The following CSMD1 variants were observed in gnomAD, a reference collection of about 807,000 sequenced individuals.
CSMD1 encodes the protein CUB and sushi domain-containing protein 1.
Under a neutral mutation model 417.5 loss-of-function variants are expected in CSMD1, and 213 were observed. The ratio of observed to expected loss-of-function variants is 0.51; its 90% CI spans 0.46 to 0.57. The LOEUF (loss-of-function observed/expected upper bound fraction) is 0.57. Ranked by LOEUF, CSMD1 falls within the 20% of genes least tolerant of loss-of-function variation. CSMD1 has a pLI of 0.00. For missense variants in CSMD1, 6,923 were observed against 4,529.7 expected (o/e 1.53, Z -15.17); for synonymous variants, 2,862 against 1,736.8 (o/e 1.65, Z -16.11).
chr8:3,547,966 CT>C (rs1798746286), intron 10 of CSMD1, among the ~76,000 whole-genome samples: 1 of 152,036 alleles, frequency 6.6e-6, no homozygotes, highest in South Asian at 2.1e-4. Flanking sequence ...CAACTTCAAC[CT>C]ATTTGGATAT....
chr8:4,454,114 G>T lies in CSMD1; in HGVS notation c.303-34049C>A, dbSNP rs182664585. 2.6e-3 allele frequency among the ~76,000 whole-genome samples: 398 copies of T among 152,178 alleles called. 1 individual carries two copies. Among genetic ancestry groups the T allele is most frequent in the Non-Finnish European group, 2.8e-3 (190 of 68,008 alleles). On this transcript the variant is annotated intron_variant, in intron 2 of 69. Coordinates refer to ENST00000635120, the MANE Select transcript of CSMD1 (RefSeq NM_033225.6). ...TGGGATTACAGGCGTGAGCCACTGTGCCCAGCCTGCAATTCATTCTTGATT... is the reference window on the plus strand; with the variant it reads ...TGGGATTACAGGCGTGAGCCACTGTTCCCAGCCTGCAATTCATTCTTGATT...
chr8:3,968,244 T>C (rs1298541522), intron 5 of CSMD1, among the ~76,000 whole-genome samples: 5 of 151,988 alleles, frequency 3.3e-5, no homozygotes, highest in African/African-American at 9.7e-5. Flanking sequence ...ATCATATTTC[T>C]CAATGTACTT....
intron 37 of CSMD1, among the ~76,000 whole-genome samples, chr8:3,177,653 T>C (rs908501915): frequency 4.6e-5 from 7 of 151,862 alleles, no homozygotes; most frequent in African/African-American, 1.7e-4. Flanking sequence ...GAAGAAATAA[T>C]AAAAAAACAG....
chr8:3,387,818 C>T, intron 17 of CSMD1, 136 bp from the exon 18 acceptor site: 3 of 706,572 alleles, frequency 4.2e-6, no homozygotes, highest in Non-Finnish European at 6.9e-6. Flanking sequence ...CCCAACAATC[C>T]ATGGACATAA....
chr8:4,110,938 G>T (rs950648971), intron 3 of CSMD1, among the ~76,000 whole-genome samples: 16 of 152,070 alleles, frequency 1.1e-4, no homozygotes, highest in Admixed American at 7.9e-4. Context: ...GTACTCAGCT[G>T]ATCAATTAAT....
chr8:3,029,473 A>G lies in CSMD1; in HGVS notation c.7701T>C (p.His2567=), dbSNP rs1316219710. Reference sequence around the variant, plus strand: ...ATCCTGAAACCAGCCTCCAGATGACATGTTCTGAGAGCTGAGCTTCAATGC... The same window carrying G: ...ATCCTGAAACCAGCCTCCAGATGACGTGTTCTGAGAGCTGAGCTTCAATGC... The part of the protein sequence containing the change: ...CPSIEAQLSE[H]VIWRLVSGSL... The change falls in exon 51 of 70, where the codon CAT becomes CAC. Residue 2567 remains histidine (H), a synonymous_variant. Transcript: ENST00000635120. 2 of 1,605,856 alleles carry G rather than the reference A, an allele frequency of 1.2e-6. No homozygotes were observed. The highest frequency in any genetic ancestry group is 4.5e-5 in the East Asian group (2 of 44,672).
At chr8:4,918,593 A>C (rs1806226450) in intron 1 of CSMD1, among the ~76,000 whole-genome samples, 1 of 152,218 alleles carries the variant, frequency 6.6e-6, no homozygotes, top group Non-Finnish European at 1.5e-5. Context: ...TTAAAAAGAC[A>C]CAAAGCTGAA....
intron 3 of CSMD1, among the ~76,000 whole-genome samples, chr8:4,172,318 G>C (rs899757344): frequency 1.3e-5 from 2 of 152,052 alleles, no homozygotes; most frequent in African/African-American, 2.4e-5. Context: ...TGTGGCTACC[G>C]AGATATGACT....
intron 7 of CSMD1, among the ~76,000 whole-genome samples, chr8:3,652,356 C>T (rs538248591): frequency 6.6e-6 from 1 of 151,600 alleles, no homozygotes; most frequent in East Asian, 1.9e-4. Context: ...CCACCATCAG[C>T]ATGCTTACCA....
intron 10 of CSMD1, among the ~76,000 whole-genome samples, chr8:3,541,457 T>C (rs890624879): frequency 2.0e-5 from 3 of 151,884 alleles, no homozygotes; most frequent in Admixed American, 6.6e-5. Context: ...TTGATAGGTG[T>C]AACAAACCAC....
chr8:4,364,450 A>G (rs539646083), intron 3 of CSMD1, among the ~76,000 whole-genome samples: 1 of 152,182 alleles, frequency 6.6e-6, no homozygotes, highest in Non-Finnish European at 1.5e-5. Context: ...TGTTTTTTCC[A>G]AAGTAATCTA....
At chr8:4,091,374 A>C (rs1263351874) in intron 3 of CSMD1, among the ~76,000 whole-genome samples, 1 of 152,226 alleles carries the variant, frequency 6.6e-6, no homozygotes, top group Admixed American at 6.5e-5. Flanking sequence ...GGAAGAAAAT[A>C]AATATAAAAC....
chr8:3,609,754 G>A (rs562827712), intron 8 of CSMD1, among the ~76,000 whole-genome samples: 9 of 137,760 alleles, frequency 6.5e-5, no homozygotes, highest in Middle Eastern at 4.0e-3. Context: ...AAAAAAAACC[G>A]AATTACCTTT....
rs1390469395 is a variant in CSMD1, at chr8:3,980,635, T to C, written c.818+17268A>G. On this transcript the variant is annotated intron_variant, in intron 5 of 69. Coordinates refer to ENST00000635120, the MANE Select transcript of CSMD1 (RefSeq NM_033225.6). ...CCAATGATGCCTTACTTTTTGCTTA[T>C]GGCTTTTCTGTATCAAATGAAAATA... Among the ~76,000 whole-genome samples, 2 of 152,230 alleles carry C rather than the reference T, an allele frequency of 1.3e-5. 1 individual carries two copies. The highest frequency in any genetic ancestry group is 4.1e-4 in the South Asian group (2 of 4,836).
At chr8:3,289,045 C>G (rs1803361125) in intron 25 of CSMD1, among the ~76,000 whole-genome samples, 1 of 146,704 alleles carries the variant, frequency 6.8e-6, no homozygotes, top group Non-Finnish European at 1.5e-5. Context: ...TCTCATTGTT[C>G]AATTCCCACC....
At chr8:3,343,029 C>T (rs1223798046) in intron 23 of CSMD1, among the ~76,000 whole-genome samples, 1 of 152,012 alleles carries the variant, frequency 6.6e-6, no homozygotes, top group Non-Finnish European at 1.5e-5. Context: ...TATTTAAGCC[C>T]ATCAGATCTA....
intron 3 of CSMD1, among the ~76,000 whole-genome samples, chr8:4,407,801 G>C (rs538997822): frequency 6.6e-6 from 1 of 152,098 alleles, no homozygotes; most frequent in African/African-American, 2.4e-5. Context: ...TCAGTATTGT[G>C]GCATATGAGA....
At chr8:3,318,147 A>G (rs575447799) in intron 23 of CSMD1, among the ~76,000 whole-genome samples, 2 of 152,312 alleles carry the variant, frequency 1.3e-5, no homozygotes, top group Non-Finnish European at 2.9e-5. Context: ...CTGATGATGA[A>G]GCTAGTAAAT....
intron 52 of CSMD1, among the ~76,000 whole-genome samples, chr8:3,013,709 A>T (rs1033107641): frequency 1.3e-5 from 2 of 151,584 alleles, no homozygotes; most frequent in Non-Finnish European, 2.9e-5. Context: ...CTGAGATCAC[A>T]CCACTGCACT....
Sources: gnomAD v4.1 joint callset for allele counts (sites outside exome capture counted in the v4.1 genomes callset) on GRCh38, gnomAD v4.1.1 for gene constraint, MANE v1.5 for transcripts, NCBI Gene and HGNC (gene_info 2026-07-23, HGNC 2026-07-21) for gene names.